Variants in AIG1 observed in about 807,000 individuals in gnomAD.
AIG1 encodes androgen induced 1.
A neutral mutation model predicts 31.4 loss-of-function variants in AIG1; 23 were observed. That is an observed-to-expected ratio of 0.73 (90% CI 0.53 to 1.04). The LOEUF is 1.04. Ranked by LOEUF, AIG1 falls within the 50% of genes least tolerant of loss-of-function variation. AIG1 has a pLI of 0.00. For synonymous variants in AIG1, 100 were observed against 110.5 expected (o/e 0.90, Z 0.60); for missense variants, 274 against 295.0 (o/e 0.93, Z 0.52).
At chr6:143,337,598 G>T (rs1777596341) in intron 5 of AIG1, among the ~76,000 whole-genome samples, 1 of 152,174 alleles carries the variant, frequency 6.6e-6, no homozygotes, top group Admixed American at 6.5e-5. Flanking sequence ...CATTTTGTAA[G>T]ACCAGAAATG....
At chr6:143,247,467 G>A (rs1024204607) in intron 3 of AIG1, among the ~76,000 whole-genome samples, 2 of 152,134 alleles carry the variant, frequency 1.3e-5, no homozygotes, top group African/African-American at 4.8e-5. Flanking sequence ...AGTTATTTCT[G>A]GAGGCAGAAC....
At chr6:143,103,402 C>T (rs1335106102) in intron 1 of AIG1, among the ~76,000 whole-genome samples, 3 of 151,958 alleles carry the variant, frequency 2.0e-5, no homozygotes, top group Admixed American at 6.5e-5. Flanking sequence ...CTGCCTTTGC[C>T]CTGGGGAAGT....
intron 1 of AIG1, among the ~76,000 whole-genome samples, chr6:143,077,224 A>G (rs140260254): frequency 3.6e-4 from 55 of 152,322 alleles, no homozygotes; most frequent in African/African-American, 1.3e-3. Context: ...AATTTTTGCT[A>G]TTAACAATAA....
At chr6:143,062,130 T>A (rs181925859) in intron 1 of AIG1, among the ~76,000 whole-genome samples, 183 of 152,338 alleles carry the variant, frequency 1.2e-3, no homozygotes, top group African/African-American at 4.3e-3. Flanking sequence ...ATACCTGTTT[T>A]AAAAATTTCC....
Position 143,327,415 on chromosome 6 carries a change from C to A in AIG1, c.516-5867C>A. On this transcript the variant is annotated intron_variant, in intron 4 of 5. Transcript: ENST00000357847. The surrounding 1 kb of genome is among the most constrained non-coding windows in gnomAD (Gnocchi z 5.3). ...TCAAGAAGTCTGCCCCTTGGGCACT[C>A]AAAGAGATCTGGAAATTTGCCACGA... 1 of 350,164 alleles carries A rather than the reference C, an allele frequency of 2.9e-6. No homozygotes were observed. The allele number at this position is 350,164 out of a possible 1,614,324, so 21.7% of individuals were successfully genotyped here.
chr6:143,060,598 G>T (rs537652848), upstream of AIG1: 2,098 of 447,200 alleles, frequency 4.7e-3, 20 homozygotes, highest in Non-Finnish European at 7.4e-3. Context: ...TGCCTAGGGG[G>T]CGCCTCCTGG....
At chr6:143,091,960 C>G (rs369702877) in intron 1 of AIG1, among the ~76,000 whole-genome samples, 102 of 152,096 alleles carry the variant, frequency 6.7e-4, no homozygotes, top group African/African-American at 2.3e-3. Flanking sequence ...ACGTCTGGTG[C>G]TTTTTAGGTG....
At chr6:143,129,400 G>A (rs1783017614) in intron 1 of AIG1, among the ~76,000 whole-genome samples, 1 of 152,212 alleles carries the variant, frequency 6.6e-6, no homozygotes, top group Non-Finnish European at 1.5e-5. Flanking sequence ...CAGTTCAGGT[G>A]AGGTGGGGGC....
At chr6:143,222,474 G>T (rs536618939) in intron 3 of AIG1, among the ~76,000 whole-genome samples, 1 of 152,076 alleles carries the variant, frequency 6.6e-6, no homozygotes, top group East Asian at 1.9e-4. Context: ...TAAGAAAAGT[G>T]CTGGCCCCAG....
At chr6:143,171,861 A>G (rs1787675462) in intron 3 of AIG1, among the ~76,000 whole-genome samples, 2 of 151,906 alleles carry the variant, frequency 1.3e-5, no homozygotes, top group Non-Finnish European at 2.9e-5. Flanking sequence ...TGATTTTTCG[A>G]TTATAGCCAC....
chr6:143,115,336 A>G (rs1259118007), intron 1 of AIG1, among the ~76,000 whole-genome samples: 1 of 152,222 alleles, frequency 6.6e-6, no homozygotes, highest in Admixed American at 6.5e-5. Context: ...GCCATGTTTA[A>G]AGAAGAACTA....
chr6:143,166,785 G>A (rs1484007331), intron 3 of AIG1, among the ~76,000 whole-genome samples: 1 of 152,048 alleles, frequency 6.6e-6, no homozygotes, highest in Non-Finnish European at 1.5e-5. Flanking sequence ...TCACAGTGGC[G>A]CTACAAATAA....
intron 1 of AIG1, among the ~76,000 whole-genome samples, chr6:143,101,652 G>C (rs1306922086): frequency 6.6e-6 from 1 of 152,032 alleles, no homozygotes; most frequent in African/African-American, 2.4e-5. Flanking sequence ...TGGAGACTTA[G>C]GGGGAAAGGG....
chr6:143,321,235 T>C (rs529736135), intron 4 of AIG1, among the ~76,000 whole-genome samples: 1 of 152,280 alleles, frequency 6.6e-6, no homozygotes, highest in Admixed American at 6.5e-5. Context: ...GACTTATACT[T>C]ACCTGAAAAC....
chr6:143,293,545 T>C lies in AIG1; in HGVS notation c.515+9320T>C, dbSNP rs1026195735. Among the ~76,000 whole-genome samples, 1 of 152,196 alleles carries C rather than the reference T, an allele frequency of 6.6e-6. No homozygotes were observed. The highest frequency in any genetic ancestry group is 2.4e-5 in the African/African-American group (1 of 41,454). On this transcript the variant is annotated intron_variant, in intron 4 of 5. Transcript: ENST00000357847. The surrounding 1 kb of genome is among the most constrained non-coding windows in gnomAD (Gnocchi z 4.8). ...GTCTTGCCCTTGGTGCCTGAGAATG[T>C]CCACTTGGGTGTTGGTCAAATCAGC...
chr6:143,084,002 T>C (rs1337087768), intron 1 of AIG1, among the ~76,000 whole-genome samples: 3 of 152,196 alleles, frequency 2.0e-5, no homozygotes, highest in Non-Finnish European at 4.4e-5. Flanking sequence ...TTACAACTTA[T>C]TGGCTGGGAG....
intron 2 of AIG1, among the ~76,000 whole-genome samples, chr6:143,150,884 T>G (rs1785164368): frequency 6.6e-6 from 1 of 152,196 alleles, no homozygotes. Flanking sequence ...ACTTTGTGTC[T>G]CTTAATTGAT....
intron 1 of AIG1, among the ~76,000 whole-genome samples, chr6:143,092,711 C>T (rs1478309463): frequency 6.6e-6 from 1 of 152,106 alleles, no homozygotes; most frequent in African/African-American, 2.4e-5. Flanking sequence ...CTTCAAGTCA[C>T]CAGTCTCATT....
At chr6:143,339,552 G>A (rs1259895637) in intron 5 of AIG1, 87 bp from the exon 6 acceptor site, 5 of 1,352,052 alleles carry the variant, frequency 3.7e-6, no homozygotes, top group South Asian at 1.3e-5. Flanking sequence ...ATGAGTGGAT[G>A]TGTGAGTAGT....
Sources: allele counts gnomAD v4.1 joint callset (sites outside exome capture counted in the v4.1 genomes callset), GRCh38; gene constraint gnomAD v4.1.1; non-coding constraint Gnocchi (gnomAD v3.1); transcripts MANE v1.5; gene names NCBI Gene and HGNC (gene_info 2026-07-23, HGNC 2026-07-21).